LIMCH1: variants seen among roughly 807,000 people sequenced by gnomAD.
The protein encoded by LIMCH1 is LIM and calponin homology domains 1, also known as LIM and calponin homology domains-containing protein 1.
Under a neutral mutation model 176.5 loss-of-function variants are expected in LIMCH1, and 113 were observed. The ratio of observed to expected loss-of-function variants is 0.64; its 90% confidence interval spans 0.55 to 0.75. The LOEUF (loss-of-function observed/expected upper bound fraction) is 0.75. LIMCH1 is among the 30% of genes least tolerant of loss of function. LIMCH1 has a pLI of 0.00. For synonymous variants in LIMCH1, 619 were observed against 645.9 expected, an observed-to-expected ratio of 0.96 and a Z score of 0.63; for missense variants, 1,674 against 1,814.9, an observed-to-expected ratio of 0.92 and a Z score of 1.41.
chr4:41,557,546 C>CTGTGTGTGTGTGTGTG lies in LIMCH1; in HGVS notation c.-241+19210_-241+19225dup, dbSNP rs34757433. Among the ~76,000 whole-genome samples the CTGTGTGTGTGTGTGTG allele has an allele frequency of 9.4e-3, 1,392 of 147,824 alleles. 31 individuals carry two copies. Among genetic ancestry groups the CTGTGTGTGTGTGTGTG allele is most frequent in the African/African-American group, 0.03 (1,193 of 40,344 alleles). ...TGTGTTTTAAAAATCTTTATTGCCTCTGTGTGTGTGTGTGTGTGTGTGTGT... is the reference window on the plus strand; with the variant it reads ...TGTGTTTTAAAAATCTTTATTGCCTCTGTGTGTGTGTGTGTGTGTGTGTGTGTGTGTGTGTGTGTGT... On this transcript the variant is annotated intron_variant, in intron 1 of 31. Transcript: ENST00000503057.
At chr4:41,567,214 G>A (rs1332612498) in intron 1 of LIMCH1, among the ~76,000 whole-genome samples, 1 of 152,148 alleles carries the variant, frequency 6.6e-6, no homozygotes, top group Non-Finnish European at 1.5e-5. Context: ...GTGCATACAT[G>A]CTGAAGTTAC....
chr4:41,614,496 A>T (rs761893282), intron 5 of LIMCH1, among the ~76,000 whole-genome samples: 1 of 152,162 alleles, frequency 6.6e-6, no homozygotes, highest in African/African-American at 2.4e-5. Flanking sequence ...TCTTTTTTCA[A>T]TGTATTGCTT....
intron 4 of LIMCH1, 72 bp downstream of exon 4, chr4:41,606,076 A>G: frequency 9.5e-7 from 1 of 1,053,124 alleles, no homozygotes; most frequent in Non-Finnish European, 1.5e-6. Flanking sequence ...GCTTGTTTTT[A>G]AGATTACTAG....
At chr4:41,483,598 G>T (rs533180433) in intron 1 of LIMCH1, among the ~76,000 whole-genome samples, 3 of 152,226 alleles carry the variant, frequency 2.0e-5, no homozygotes, top group East Asian at 3.9e-4. Flanking sequence ...TCCCCATCTC[G>T]ACCATGCCTA....
At chr4:41,593,664 T>C (rs560914033) in intron 1 of LIMCH1, among the ~76,000 whole-genome samples, 5 of 152,328 alleles carry the variant, frequency 3.3e-5, no homozygotes, top group African/African-American at 1.2e-4. Flanking sequence ...CCAGCTATGG[T>C]CTATGGGCCA....
chr4:41,366,259 C>T (rs940156520), intron 1 of LIMCH1, among the ~76,000 whole-genome samples: 1 of 152,124 alleles, frequency 6.6e-6, no homozygotes, highest in Non-Finnish European at 1.5e-5. Flanking sequence ...CAGTTGGCCC[C>T]TCGAAGTGGC....
chr4:41,397,394 G>C (rs942700432), intron 1 of LIMCH1, among the ~76,000 whole-genome samples: 8 of 152,146 alleles, frequency 5.3e-5, no homozygotes, highest in African/African-American at 1.9e-4. Flanking sequence ...ACAGCTGAAA[G>C]CATCCTAACT....
At position 41,682,340 on chromosome 4, in the gene LIMCH1, T is replaced by C. The variant is rs1716670349; in HGVS notation, c.3725T>C (p.Ile1242Thr). ...MTEGSGTMNK[I>T]DLGNCQDEKQ... ...CATTGTTTTTCTCCTTAGAATAAGA[T>C]AGACCTGGGAAACTGTCAAGATGAA... The change falls in exon 26 of 32, where the codon ATA becomes ACA. Residue 1242 changes from isoleucine to threonine, a missense_variant. This residue lies in a region of LIMCH1 where 1,015 missense variants were observed against 1,102.5 expected (regional missense o/e 0.92). Coordinates refer to ENST00000503057, the MANE Select transcript of LIMCH1 (RefSeq NM_001330672.2). The C allele has an allele frequency of 6.2e-7, 1 of 1,610,576 alleles. No individual in the cohort carries two copies. Among genetic ancestry groups the C allele is most frequent in the Non-Finnish European group, 8.5e-7 (1 of 1,177,174 alleles).
rs758327781 is a variant in LIMCH1, at chr4:41,603,839, T to C, written c.-133-36T>C. The C allele has an allele frequency of 2.0e-6, 3 of 1,523,350 alleles. No individual in the cohort carries two copies. In the South Asian group the frequency reaches 3.4e-5, roughly 17 times the overall value. 94.4% of individuals were successfully genotyped at this position (1,523,350 alleles called of 1,614,324 possible). On this transcript the variant is annotated intron_variant, in intron 2 of 31. Coordinates refer to ENST00000503057, the MANE Select transcript of LIMCH1 (RefSeq NM_001330672.2). Reference sequence around the variant, plus strand: ...AAAGGTCACAATTTAGAATCTGCTATTCTGACAATATTTTCTTTTCCCTTT... The same window carrying C: ...AAAGGTCACAATTTAGAATCTGCTACTCTGACAATATTTTCTTTTCCCTTT...
At chr4:41,578,860 C>A in intron 1 of LIMCH1, among the ~76,000 whole-genome samples, 1 of 151,968 alleles carries the variant, frequency 6.6e-6, no homozygotes, top group Non-Finnish European at 1.5e-5. Context: ...CAAACCCACA[C>A]CTGGCTAATT....
intron 1 of LIMCH1, among the ~76,000 whole-genome samples, chr4:41,439,458 G>A (rs893310396): frequency 6.6e-6 from 1 of 152,100 alleles, no homozygotes; most frequent in Non-Finnish European, 1.5e-5. Context: ...GTGGTGGTGT[G>A]TGCCTGTTGT....
chr4:41,470,788 C>T (rs1445293414), intron 1 of LIMCH1, among the ~76,000 whole-genome samples: 2 of 152,002 alleles, frequency 1.3e-5, no homozygotes, highest in African/African-American at 4.8e-5. Flanking sequence ...TCTTCTCTTG[C>T]ACACTCCATG....
chr4:41,528,996 T>G (rs997867553), intron 3 of LIMCH1, among the ~76,000 whole-genome samples: 10 of 152,240 alleles, frequency 6.6e-5, no homozygotes, highest in African/African-American at 1.7e-4. Flanking sequence ...TGCTGACATA[T>G]GAAGCCGTGT....
chr4:41,534,700 A>T (rs932061229), upstream of LIMCH1, among the ~76,000 whole-genome samples: 3 of 150,636 alleles, frequency 2.0e-5, no homozygotes, highest in South Asian at 2.1e-4. Flanking sequence ...ATGAAGACAT[A>T]TTTTTTTTTT....
chr4:41,401,513 G>A (rs1161208858), intron 1 of LIMCH1, among the ~76,000 whole-genome samples: 1 of 152,030 alleles, frequency 6.6e-6, no homozygotes, highest in Non-Finnish European at 1.5e-5. Context: ...TTGGTGATGC[G>A]GGCTCTTTTT....
chr4:41,539,520 C>T (rs1174231085), intron 1 of LIMCH1, among the ~76,000 whole-genome samples: 1 of 152,208 alleles, frequency 6.6e-6, no homozygotes, highest in Non-Finnish European at 1.5e-5. Flanking sequence ...TTTTGAAGAC[C>T]TTCCCAAGGG....
At chr4:41,574,453 A>AT (rs2084117739) in intron 1 of LIMCH1, among the ~76,000 whole-genome samples, 2 of 151,382 alleles carry the variant, frequency 1.3e-5, no homozygotes, top group African/African-American at 2.4e-5. Flanking sequence ...CACCTGGCTA[A>AT]TTTTTTTGTA....
intron 8 of LIMCH1, among the ~76,000 whole-genome samples, chr4:41,628,460 A>G (rs1046503979): frequency 6.6e-6 from 1 of 150,716 alleles, no homozygotes; most frequent in African/African-American, 2.4e-5. Context: ...CCTCTTTGCC[A>G]TGCCCTTCCT....
intron 1 of LIMCH1, among the ~76,000 whole-genome samples, chr4:41,413,974 C>T (rs931460428): frequency 1.3e-5 from 2 of 152,118 alleles, no homozygotes; most frequent in African/African-American, 4.8e-5. Flanking sequence ...TGCCTTTCTC[C>T]AGCCTGGTAG....
Sources: allele counts gnomAD v4.1 joint callset (sites outside exome capture counted in the v4.1 genomes callset), GRCh38; gene constraint gnomAD v4.1.1; regional missense constraint gnomAD v4.1.1; transcripts MANE v1.5; gene names NCBI Gene and HGNC (gene_info 2026-07-23, HGNC 2026-07-21).